Variants in FRK observed in about 807,000 individuals in gnomAD.
The protein encoded by FRK is tyrosine-protein kinase FRK.
Under a neutral mutation model 56.4 loss-of-function variants are expected in FRK, and 51 were observed. That is an observed-to-expected ratio of 0.90 (90% confidence interval 0.72 to 1.14). The LOEUF is 1.14. FRK is among the 50% of genes most tolerant of loss of function. The pLI is 0.00. For missense variants in FRK, 570 were observed against 601.4 expected (o/e 0.95, Z 0.55); for synonymous variants, 245 against 217.9 (o/e 1.12, Z -1.10).
At chr6:115,966,332 A>C (rs1773574574) in intron 4 of FRK, among the ~76,000 whole-genome samples, 1 of 152,174 alleles carries the variant, frequency 6.6e-6, no homozygotes, top group Non-Finnish European at 1.5e-5. Flanking sequence ...ACTATCAAAA[A>C]CCCAGCTTCA....
At chr6:115,966,814 A>G (rs146096500) in intron 4 of FRK, among the ~76,000 whole-genome samples, 208 of 152,304 alleles carry the variant, frequency 1.4e-3, no homozygotes, top group African/African-American at 4.7e-3. Flanking sequence ...TTATAATAAT[A>G]GTTTTTATCC....
chr6:116,098,729 G>A, the FRK span, among the ~76,000 whole-genome samples: 8 of 152,146 alleles, frequency 5.3e-5, no homozygotes, highest in African/African-American at 1.7e-4. Context: ...CAGTAAGTGT[G>A]ATAAAAGTTT....
At chr6:116,077,443 G>A in the FRK span, among the ~76,000 whole-genome samples, 4 of 152,180 alleles carry the variant, frequency 2.6e-5, no homozygotes, top group Non-Finnish European at 5.9e-5. Flanking sequence ...CTCAGGTAAA[G>A]TGGACTTTAA....
intron 1 of FRK, chr6:116,038,834 A>G: frequency 1.9e-6 from 1 of 523,020 alleles, no homozygotes; most frequent in South Asian, 1.5e-5. Flanking sequence ...GCTCATCCGC[A>G]CTCTGAAGGC....
At chr6:116,022,817 AT>A (rs554415914) in intron 1 of FRK, among the ~76,000 whole-genome samples, 5 of 152,212 alleles carry the variant, frequency 3.3e-5, no homozygotes, top group Admixed American at 6.5e-5. Flanking sequence ...AAACAAAAAA[AT>A]AATAATTTTC....
the FRK span, among the ~76,000 whole-genome samples, chr6:116,067,972 T>C: frequency 2.0e-5 from 3 of 152,330 alleles, no homozygotes; most frequent in East Asian, 5.8e-4. Flanking sequence ...TAATCTTTTA[T>C]TCTCTTCCAG....
chr6:115,985,192 T>C (rs963142840), intron 2 of FRK, among the ~76,000 whole-genome samples: 1 of 152,100 alleles, frequency 6.6e-6, no homozygotes, highest in African/African-American at 2.4e-5. Context: ...TTATAATAAA[T>C]ACACCTAAAT....
intron 2 of FRK, among the ~76,000 whole-genome samples, chr6:115,973,191 G>C (rs1012530600): frequency 6.6e-6 from 1 of 152,202 alleles, no homozygotes; most frequent in Non-Finnish European, 1.5e-5. Context: ...TCTTAGGCCA[G>C]TGTTAATTGC....
At position 115,942,439 on chromosome 6, in the gene FRK, G is replaced by T; in HGVS notation, c.1493C>A (p.Ser498Ter). Residue 498 changes from serine (S) to a stop codon, truncating the protein, a stop_gained, in exon 8 of 8, where the codon TCA (serine) becomes TAA (stop). Coordinates refer to ENST00000606080, the MANE Select transcript of FRK (RefSeq NM_002031.3). LOFTEE classifies it high-confidence loss of function. ...TCATCTTATGAAGTTATTTGCATCT[G>T]AATATGAAGAGTCTGTTTCAAAATA... ...EDYFETDSSY[S>*]DANNFIR 1 of 1,613,174 alleles carries T rather than the reference G, an allele frequency of 6.2e-7. No homozygotes were observed. Among genetic ancestry groups the T allele is most frequent in the African/African-American group, 1.3e-5 (1 of 74,994 alleles).
chr6:116,030,948 C>CTG (rs1776285407), intron 1 of FRK, among the ~76,000 whole-genome samples: 2 of 152,148 alleles, frequency 1.3e-5, no homozygotes, highest in Admixed American at 1.3e-4. Flanking sequence ...TCAGTAGGAT[C>CTG]CTTTACAAAC....
intron 4 of FRK, among the ~76,000 whole-genome samples, chr6:115,958,756 A>G (rs1291853298): frequency 2.5e-5 from 1 of 40,396 alleles, no homozygotes; most frequent in Non-Finnish European, 5.4e-5. Context: ...AGAAAGAAAG[A>G]AAGAAAGAAA....
At chr6:116,065,396 A>G (rs1477669504), upstream of FRK, among the ~76,000 whole-genome samples, 2 of 151,916 alleles carry the variant, frequency 1.3e-5, no homozygotes. Context: ...TAAAAACAAA[A>G]CTCTCCACCA....
At chr6:116,066,441 GTGTGTGTGTA>G in the FRK span, among the ~76,000 whole-genome samples, 5 of 147,708 alleles carry the variant, frequency 3.4e-5, no homozygotes, top group African/African-American at 1.1e-4. Flanking sequence ...ATATGTGTGT[GTGTGTGTGTA>G]TGTGTGTGTG....
At chr6:116,035,033 C>A (rs1488671194) in intron 1 of FRK, among the ~76,000 whole-genome samples, 3 of 151,798 alleles carry the variant, frequency 2.0e-5, no homozygotes, top group African/African-American at 7.3e-5. Context: ...TGTTCTCTAT[C>A]CTTTTTATAT....
Position 115,938,815 on chromosome 6 carries a change from T to A in FRK, c.*3599A>T, listed in dbSNP as rs1397715173. 6.6e-6 allele frequency: 1 copy of A among 152,070 alleles called. No individual in the cohort carries two copies. Among genetic ancestry groups the A allele is most frequent in the East Asian group, 1.9e-4 (1 of 5,190 alleles). The allele number at this position is 152,070 out of a possible 1,614,324, so 9.4% of individuals were successfully genotyped here. A position where few individuals can be genotyped will look rare whatever the true frequency, so the allele number is the denominator to read the frequency against. The stretch of plus-strand genomic sequence containing the variant: ...AATAGACCAATAACAAGTTCTGAAA[T>A]TGAGGCAGTAATTAATAGCCTACCA... On this transcript the variant is annotated 3_prime_UTR_variant, in exon 8 of 8. Transcript: ENST00000606080.
upstream of FRK, among the ~76,000 whole-genome samples, chr6:116,065,498 TC>T (rs977853651): frequency 3.3e-5 from 5 of 152,234 alleles, no homozygotes; most frequent in Non-Finnish European, 7.3e-5. Flanking sequence ...TCAATCCCCT[TC>T]TTTTGCCTGA....
intron 4 of FRK, 23 bp from the exon 5 acceptor site, chr6:115,956,633 T>C (rs1328534200): frequency 2.7e-6 from 4 of 1,499,164 alleles, no homozygotes; most frequent in Admixed American, 4.3e-5. Flanking sequence ...GAGGGAGAAA[T>C]CACTTTATGT....
intron 1 of FRK, among the ~76,000 whole-genome samples, chr6:116,018,917 G>C (rs1030787915): frequency 6.6e-6 from 1 of 152,066 alleles, no homozygotes; most frequent in Non-Finnish European, 1.5e-5. Flanking sequence ...CACAGTAAAG[G>C]AACATCCTAA....
At chr6:116,089,556 T>G in the FRK span, among the ~76,000 whole-genome samples, 2 of 152,254 alleles carry the variant, frequency 1.3e-5, no homozygotes, top group Non-Finnish European at 2.9e-5. Context: ...TGGTTTCTTC[T>G]GAGGCCTGTT....
Sources: allele counts gnomAD v4.1 joint callset (sites outside exome capture counted in the v4.1 genomes callset), GRCh38; gene constraint gnomAD v4.1.1; transcripts MANE v1.5; gene names NCBI Gene and HGNC (gene_info 2026-07-23, HGNC 2026-07-21).